YY1AP1: variants seen among roughly 807,000 people sequenced by gnomAD.
The protein encoded by YY1AP1 is YY1 associated protein 1.
A neutral mutation model predicts 39.9 loss-of-function variants in YY1AP1; 43 were observed. The observed-to-expected ratio is 1.08, with a 90% confidence interval of 0.84 to 1.39. The LOEUF is 1.39. Ranked by LOEUF, YY1AP1 falls within the 40% of genes most tolerant of loss-of-function variation. YY1AP1 has a pLI of 0.00. For synonymous variants in YY1AP1, 292 were observed against 331.3 expected, an observed-to-expected ratio of 0.88 and a Z score of 1.29; for missense variants, 813 against 900.7, an observed-to-expected ratio of 0.90 and a Z score of 1.25.
In YY1AP1 at chr1:155,659,933, T is replaced by C. The variant is rs1246946184; in HGVS notation, c.1977A>G (p.Leu659=). 1.9e-6 allele frequency: 3 copies of C among 1,614,132 alleles called. No homozygotes were observed. Among genetic ancestry groups the C allele is most frequent in the African/African-American group, 1.3e-5 (1 of 74,944 alleles). ...AGAGAGGAGATAGTTCCTGGGGCTC[T>C]AATTTGGGTTCTAGGCCCTGAAAGG... ...ENAFQGLEPK[L]EPQELSPLSA... The change falls in exon 11 of 11, where the codon TTA becomes TTG. Residue 659 remains leucine, a synonymous_variant. Transcript: ENST00000355499.
chr1:155,681,995 T>C (rs1395974319), intron 2 of YY1AP1, among the ~76,000 whole-genome samples: 1 of 152,094 alleles, frequency 6.6e-6, no homozygotes, highest in East Asian at 1.9e-4. Context: ...AGATCTTATA[T>C]GTGTATTCAA....
At chr1:155,661,471 T>C in intron 9 of YY1AP1, 48 bp from the exon 10 acceptor site, 2 of 1,612,776 alleles carry the variant, frequency 1.2e-6, no homozygotes, top group Middle Eastern at 3.3e-4. Flanking sequence ...CTGGAAACAC[T>C]GTCTTCTGTC....
chr1:155,688,454 A>C, intron 1 of YY1AP1: 2 of 1,548,408 alleles, frequency 1.3e-6, no homozygotes, highest in Non-Finnish European at 1.7e-6. Context: ...GCTTCGCCCG[A>C]CTCCGGCCAT....
Position 155,675,082 on chromosome 1 carries a change from C to A in YY1AP1, c.339G>T (p.Leu113Phe). The A allele has an allele frequency of 6.2e-7, 1 of 1,613,612 alleles. No homozygotes were observed. The highest frequency in any genetic ancestry group is 8.5e-7 in the Non-Finnish European group (1 of 1,179,736). ...AGGTGGCAAGAAGGTGGATTTGTGT[C>A]AAGAGCTGAACATGCTGGGGAGAGA... ...QQQMQQHVQL[L>F]TQIHLLATCN... Residue 113 changes from leucine (L) to phenylalanine (F), a missense_variant, in exon 6 of 11, where the codon TTG becomes TTT. Transcript: ENST00000355499.
intron 2 of YY1AP1, among the ~76,000 whole-genome samples, chr1:155,686,742 T>C (rs1652446271): frequency 6.6e-6 from 1 of 152,224 alleles, no homozygotes; most frequent in Admixed American, 6.5e-5. Flanking sequence ...CTCTGCTTCC[T>C]CCATAAATCC....
intron 4 of YY1AP1, among the ~76,000 whole-genome samples, chr1:155,678,528 T>G (rs1001300423): frequency 3.3e-5 from 5 of 152,260 alleles, no homozygotes; most frequent in African/African-American, 4.8e-5. Context: ...TTCTATGAAC[T>G]ATAAATTAAA....
At position 155,688,063 on chromosome 1, in the gene YY1AP1, C is replaced by T. The variant is rs748952816; in HGVS notation, c.-21+8G>A. 3 of 1,570,774 alleles carry T rather than the reference C, an allele frequency of 1.9e-6. No individual in the cohort carries two copies. Among genetic ancestry groups the T allele is most frequent in the South Asian group, 1.2e-5 (1 of 85,202 alleles). The stretch of plus-strand genomic sequence containing the variant: ...GGCCCGAATGCCGGCCCAAATCGTT[C>T]TACTCACCGTGTCGGAGGCCGAGAG... On this transcript the variant is annotated splice_region_variant and intron_variant, in intron 2 of 10. Transcript: ENST00000355499.
intron 9 of YY1AP1, among the ~76,000 whole-genome samples, chr1:155,664,838 C>T (rs1452190736): frequency 4.1e-5 from 6 of 147,590 alleles, no homozygotes; most frequent in Admixed American, 1.4e-4. Flanking sequence ...GGCGAGATCT[C>T]GGCTCACTGC....
intron 9 of YY1AP1, among the ~76,000 whole-genome samples, chr1:155,663,136 G>C (rs1057461456): frequency 6.6e-6 from 1 of 152,054 alleles, no homozygotes; most frequent in Admixed American, 6.5e-5. Context: ...ACTTTGGGAG[G>C]CCGAGGCAGG....
At chr1:155,678,437 G>A (rs1371281809) in intron 4 of YY1AP1, among the ~76,000 whole-genome samples, 1 of 152,134 alleles carries the variant, frequency 6.6e-6, no homozygotes, top group Admixed American at 6.5e-5. Flanking sequence ...GAGTTGATCA[G>A]CAAAACCAAA....
chr1:155,674,861 C>G, intron 6 of YY1AP1, 149 bp downstream of exon 6: 1 of 654,900 alleles, frequency 1.5e-6, no homozygotes, highest in Non-Finnish European at 2.6e-6. Context: ...CACTCTTTGT[C>G]CTTTCATGTG....
chr1:155,662,876 C>T (rs1327622067), intron 9 of YY1AP1, among the ~76,000 whole-genome samples: 2 of 151,826 alleles, frequency 1.3e-5, no homozygotes, highest in Admixed American at 6.6e-5. Flanking sequence ...TGGTGGTGCA[C>T]GCCTGTGATC....
At chr1:155,679,714 C>G (rs577369524) in intron 3 of YY1AP1, 2 of 985,272 alleles carry the variant, frequency 2.0e-6, no homozygotes, top group South Asian at 9.4e-5. Context: ...AGAAGTTGCT[C>G]AACCAGTCAA....
Position 155,679,289 on chromosome 1 carries a change from T to A in YY1AP1, c.125+120A>T, listed in dbSNP as rs931821933. ...ACCTAACTCCTGACAGGACTCTGCATCCTTACATCAGTAACAGAAGCTGGC... is the reference window on the plus strand; with the variant it reads ...ACCTAACTCCTGACAGGACTCTGCAACCTTACATCAGTAACAGAAGCTGGC... On this transcript the variant is annotated intron_variant, in intron 4 of 10. Coordinates refer to ENST00000355499, the MANE Select transcript of YY1AP1 (RefSeq NM_139119.3). The A allele has an allele frequency of 6.4e-6, 10 of 1,551,074 alleles. No homozygotes were observed. In the African/African-American group the frequency reaches 9.6e-5, roughly 15 times the overall value.
chr1:155,679,475 T>C lies in YY1AP1; in HGVS notation c.59A>G (p.Asp20Gly). Reference sequence around the variant, plus strand: ...CACACGCTCCTCCTCTTCTGGGCCATCATCTTCCATGTTGGAGAATCCCAT... The same window carrying C: ...CACACGCTCCTCCTCTTCTGGGCCACCATCTTCCATGTTGGAGAATCCCAT... ...DEMGFSNMED[D>G]GPEEEERVAE... Residue 20 changes from aspartate (D) to glycine (G), a missense_variant, in exon 4 of 11, where the codon GAT becomes GGT. Around this residue, in one of 3 missense-constraint regions of YY1AP1, gnomAD observed 196 missense variants for 189.7 expected, o/e 1.03. Transcript: ENST00000355499. 6.2e-7 allele frequency: 1 copy of C among 1,614,230 alleles called. No homozygotes were observed. Among genetic ancestry groups the C allele is most frequent in the Non-Finnish European group, 8.5e-7 (1 of 1,180,034 alleles).
intron 9 of YY1AP1, among the ~76,000 whole-genome samples, chr1:155,667,820 C>CTCAA (rs966302748): frequency 1.5e-4 from 23 of 151,710 alleles, no homozygotes; most frequent in Non-Finnish European, 2.8e-4. Flanking sequence ...GAGACTCCAT[C>CTCAA]TCAATCAATC....
chr1:155,674,160 C>CAAA (rs59337809), intron 6 of YY1AP1, among the ~76,000 whole-genome samples: 65 of 73,550 alleles, frequency 8.8e-4, no homozygotes, highest in African/African-American at 1.8e-3. Flanking sequence ...GACTCCGTCT[C>CAAA]AAAAAAAAAA....
chr1:155,660,007 C>T lies in YY1AP1; in HGVS notation c.1903G>A (p.Ala635Thr), dbSNP rs963856586. 1.2e-6 allele frequency: 2 copies of T among 1,614,032 alleles called. No individual in the cohort carries two copies. The highest frequency in any genetic ancestry group is 2.7e-5 in the African/African-American group (2 of 74,890). ...LPIPSTPEDK[A>T]HMNVDIACAV... is the part of the protein sequence containing the mutation. ...CAAGCAATGTCCACATTCATGTGGG[C>T]CTTATCTTCAGGGGTGGATGGTATA... The change falls in exon 11 of 11, where the codon GCC becomes ACC. Residue 635 changes from alanine (A) to threonine (T), a missense_variant. This residue lies in a region of YY1AP1 where 586 missense variants were observed against 647.4 expected (regional missense o/e 0.91). Coordinates refer to ENST00000355499, the MANE Select transcript of YY1AP1 (RefSeq NM_139119.3).
chr1:155,688,595 G>A, intron 1 of YY1AP1, 64 bp downstream of exon 1: 4 of 1,535,938 alleles, frequency 2.6e-6, no homozygotes, highest in Non-Finnish European at 3.5e-6. Context: ...GAACCTCCTC[G>A]CCCAGTTCTC....
Sources: gnomAD v4.1 joint callset for allele counts (sites outside exome capture counted in the v4.1 genomes callset) on GRCh38, gnomAD v4.1.1 for gene constraint, gnomAD v4.1.1 regional missense constraint, MANE v1.5 for transcripts, NCBI Gene and HGNC (gene_info 2026-07-23, HGNC 2026-07-21) for gene names.